The following TPTE2 variants were observed in gnomAD, a reference collection of about 807,000 sequenced individuals.
TPTE2 encodes phosphatidylinositol 3,4,5-trisphosphate 3-phosphatase TPTE2.
In TPTE2, 53 loss-of-function variants were observed where a neutral mutation model predicts 78.6. The observed-to-expected ratio is 0.67, with a 90% CI of 0.54 to 0.85. TPTE2 has a LOEUF of 0.85. Ranked by LOEUF, TPTE2 falls within the 40% of genes least tolerant of loss-of-function variation. The pLI, the probability that TPTE2 is intolerant of heterozygous loss-of-function variation, is 0.00. For synonymous variants in TPTE2, 175 were observed against 206.2 expected (o/e 0.85, Z 1.30); for missense variants, 461 against 623.0 (o/e 0.74, Z 2.77).
chr13:19,511,042 G>A (rs550832160), intron 1 of TPTE2, among the ~76,000 whole-genome samples: 2 of 152,322 alleles, frequency 1.3e-5, no homozygotes, highest in East Asian at 1.9e-4. Context: ...TGTAACCATT[G>A]GGAGAGCAAT....
intron 13 of TPTE2, among the ~76,000 whole-genome samples, chr13:19,441,651 T>C (rs1052376492): frequency 6.6e-6 from 1 of 152,108 alleles, no homozygotes; most frequent in African/African-American, 2.4e-5. Context: ...ACTAGGAAAC[T>C]TCCTTAACTC....
upstream of TPTE2, among the ~76,000 whole-genome samples, chr13:19,506,945 TTCTTGTGATCTATTTATCTTGTA>T (rs1869090886): frequency 6.6e-6 from 1 of 152,224 alleles, no homozygotes; most frequent in Non-Finnish European, 1.5e-5. Context: ...AGAAGTAGAC[TTCTTGTGATCTATTTATCTTGTA>T]TCCAACTAGA....
At chr13:19,440,437 AAC>A (rs1269447085) in intron 13 of TPTE2, among the ~76,000 whole-genome samples, 1 of 151,440 alleles carries the variant, frequency 6.6e-6, no homozygotes, top group Non-Finnish European at 1.5e-5. Context: ...ATAAAAAAAA[AAC>A]ACTCAAGAAA....
rs188760567 is a variant in TPTE2 at position 19,476,869 on chromosome 13, C to T, written c.180-1246G>A. Among the ~76,000 whole-genome samples, 473 of 152,058 alleles carry T rather than the reference C, an allele frequency of 3.1e-3. 2 individuals are homozygous for T. Among genetic ancestry groups the T allele is most frequent in the Non-Finnish European group, 5.2e-3 (353 of 67,968 alleles). ...AGCAATCCCATTACTGAGTAGATAC[C>T]CAGAGGAATATAAATCATTCTACTA... On this transcript the variant is annotated intron_variant, in intron 4 of 19. Transcript: ENST00000400230.
chr13:19,531,816 A>T (rs1870895278), intron 1 of TPTE2, among the ~76,000 whole-genome samples: 1 of 152,112 alleles, frequency 6.6e-6, no homozygotes. Flanking sequence ...AATCCCAGCT[A>T]CCTGGGAGGC....
chr13:19,489,234 C>G (rs1232452225), intron 3 of TPTE2, among the ~76,000 whole-genome samples: 1 of 151,964 alleles, frequency 6.6e-6, no homozygotes, highest in African/African-American at 2.4e-5. Context: ...TGGAATATTG[C>G]AAGAATTATT....
chr13:19,447,015 G>T (rs904210208), intron 13 of TPTE2, among the ~76,000 whole-genome samples: 1 of 151,992 alleles, frequency 6.6e-6, no homozygotes, highest in African/African-American at 2.4e-5. Flanking sequence ...CAACATGTGG[G>T]GAGAATATAA....
chr13:19,530,124 A>G (rs1870774084), intron 1 of TPTE2, among the ~76,000 whole-genome samples: 1 of 152,236 alleles, frequency 6.6e-6, no homozygotes, highest in South Asian at 2.1e-4. Context: ...TCCTTGGGAT[A>G]TACTGAGGAA....
rs997186438 is a variant in TPTE2, at chr13:19,489,722, G to GTA, written c.119+3126_119+3127dup. Among the ~76,000 whole-genome samples, 464 of 144,644 alleles carry GTA rather than the reference G, an allele frequency of 3.2e-3. 2 individuals are homozygous for GTA. The highest frequency in any genetic ancestry group is 0.011 in the African/African-American group (442 of 39,386). 94.9% of individuals were successfully genotyped at this position (144,644 alleles called of 152,430 possible). On this transcript the variant is annotated intron_variant, in intron 3 of 19. Coordinates refer to ENST00000400230, the Ensembl canonical transcript of TPTE2. ...ACATATATAGCTAAAAGATATATCT[G>GTA]TATATATATATACACACACACATAT...
chr13:19,544,928 GCACACTCACACA>G, the TPTE2 span, among the ~76,000 whole-genome samples: 1 of 107,092 alleles, frequency 9.3e-6, no homozygotes, highest in African/African-American at 3.6e-5. Flanking sequence ...ACACACACGT[GCACACTCACACA>G]CACACACACA....
chr13:19,503,236 C>G, exon 1 of TPTE2: 3 of 1,613,664 alleles, frequency 1.9e-6, no homozygotes, highest in Non-Finnish European at 2.5e-6. Context: ...TTCATTCATA[C>G]GTGCCTCTGG....
At chr13:19,447,188 G>A (rs978935882) in intron 13 of TPTE2, among the ~76,000 whole-genome samples, 2 of 151,978 alleles carry the variant, frequency 1.3e-5, no homozygotes, top group Admixed American at 1.3e-4. Context: ...AGGCTGCTCT[G>A]GTACATACCA....
At position 19,503,112 on chromosome 13, in the gene TPTE2, G is replaced by GATGGATGC. The variant is rs1223124182; in HGVS notation, c.11+104_11+111dup. On this transcript the variant is annotated intron_variant, in intron 1 of 19. Coordinates refer to ENST00000400230, the Ensembl canonical transcript of TPTE2. ...GATGTGTTTGGGAGAAGTGTGTATG[G>GATGGATGC]ATGGATGCATGGATGCATGGATGGA... The GATGGATGC allele has an allele frequency of 8.2e-6, 12 of 1,466,398 alleles. No individual in the cohort carries two copies. In the Admixed American group the frequency reaches 2.2e-4, roughly 27 times the overall value. 90.8% of individuals were successfully genotyped at this position (1,466,398 alleles called of 1,614,324 possible).
upstream of TPTE2, among the ~76,000 whole-genome samples, chr13:19,507,853 G>A (rs901060135): frequency 4.6e-5 from 7 of 152,162 alleles, no homozygotes; most frequent in African/African-American, 1.7e-4. Context: ...TGTCCATAAT[G>A]CTGTCTGGCC....
chr13:19,545,276 G>C, the TPTE2 span, among the ~76,000 whole-genome samples: 1 of 152,128 alleles, frequency 6.6e-6, no homozygotes, highest in African/African-American at 2.4e-5. Flanking sequence ...TTGAAGTTAT[G>C]AGTGGGGATA....
At chr13:19,454,384 A>T (rs1473370502) in intron 10 of TPTE2, among the ~76,000 whole-genome samples, 4 of 152,128 alleles carry the variant, frequency 2.6e-5, no homozygotes, top group Non-Finnish European at 5.9e-5. Flanking sequence ...ATACTTCTCA[A>T]ATATGACAGA....
upstream of TPTE2, among the ~76,000 whole-genome samples, chr13:19,538,763 C>T (rs944522664): frequency 4.6e-5 from 7 of 151,682 alleles, no homozygotes; most frequent in Non-Finnish European, 1.0e-4. Context: ...GTGATCCGCC[C>T]ACCTCGACCT....
At chr13:19,552,413 T>A in the TPTE2 span, among the ~76,000 whole-genome samples, 4 of 152,076 alleles carry the variant, frequency 2.6e-5, no homozygotes, top group Non-Finnish European at 5.9e-5. Context: ...AATTCTAAAG[T>A]CTTTTTAAAA....
At chr13:19,505,305 G>A (rs192634700), upstream of TPTE2, among the ~76,000 whole-genome samples, 15 of 151,944 alleles carry the variant, frequency 9.9e-5, no homozygotes, top group Non-Finnish European at 1.9e-4. Context: ...CACACCTGGC[G>A]AATTTTTGTA....
Sources: allele counts gnomAD v4.1 joint callset (sites outside exome capture counted in the v4.1 genomes callset), GRCh38; gene constraint gnomAD v4.1.1; transcripts MANE v1.5; gene names NCBI Gene and HGNC (gene_info 2026-07-23, HGNC 2026-07-21).